Variants in RNF217 observed in about 807,000 individuals in gnomAD.
RNF217 encodes E3 ubiquitin-protein ligase RNF217.
In RNF217, 31 loss-of-function variants were observed where a neutral mutation model predicts 57.8. That is an observed-to-expected ratio of 0.54 (90% CI 0.40 to 0.72). The LOEUF (loss-of-function observed/expected upper bound fraction) is 0.72, where lower values mean the gene tolerates loss of function less well. Among genes scored for constraint, RNF217 ranks in the 30% least tolerant of loss-of-function variants. The pLI is 0.00. For synonymous variants in RNF217, 313 were observed against 294.0 expected (o/e 1.06, Z -0.66); for missense variants, 696 against 708.3 (o/e 0.98, Z 0.20).
At chr6:125,034,080 A>G (rs1786490467) in intron 1 of RNF217, among the ~76,000 whole-genome samples, 1 of 151,866 alleles carries the variant, frequency 6.6e-6, no homozygotes, top group African/African-American at 2.4e-5. Flanking sequence ...AGTTCATTGT[A>G]GATTCTGGAT....
At chr6:125,015,459 A>G (rs1785565569) in intron 1 of RNF217, among the ~76,000 whole-genome samples, 1 of 152,128 alleles carries the variant, frequency 6.6e-6, no homozygotes, top group African/African-American at 2.4e-5. Context: ...GAAAACTCTA[A>G]ACGCTGAATG....
At chr6:125,021,393 G>A (rs1373200209) in intron 1 of RNF217, among the ~76,000 whole-genome samples, 4 of 151,512 alleles carry the variant, frequency 2.6e-5, no homozygotes, top group Non-Finnish European at 4.4e-5. Flanking sequence ...AGCCTCCCAA[G>A]TAGCTGGGAT....
At chr6:125,003,637 G>T (rs1228596498) in intron 1 of RNF217, among the ~76,000 whole-genome samples, 1 of 152,026 alleles carries the variant, frequency 6.6e-6, no homozygotes, top group African/African-American at 2.4e-5. Flanking sequence ...TTGTTAATTA[G>T]CTTGATTTAA....
intron 1 of RNF217, among the ~76,000 whole-genome samples, chr6:124,969,538 C>G (rs1783682449): frequency 6.6e-6 from 1 of 152,140 alleles, no homozygotes; most frequent in African/African-American, 2.4e-5. Context: ...GATAACTGCA[C>G]TTGAATTTGC....
At chr6:124,983,392 T>C (rs1434025975) in intron 1 of RNF217, 3 of 984,852 alleles carry the variant, frequency 3.0e-6, no homozygotes, top group Admixed American at 6.2e-5. Flanking sequence ...GACACAAACA[T>C]GAGAAGATTA....
intron 1 of RNF217, among the ~76,000 whole-genome samples, chr6:124,982,440 T>C (rs972522850): frequency 2.0e-5 from 3 of 152,158 alleles, no homozygotes; most frequent in African/African-American, 7.2e-5. Context: ...TTTATCTCAC[T>C]TTCCAGATAC....
rs551401155 is a variant in RNF217, at chr6:125,037,060, C to T, written c.883-8151C>T. Among the ~76,000 whole-genome samples, 178 of 147,746 alleles carry T rather than the reference C, an allele frequency of 1.2e-3. 1 individual carries two copies. The Middle Eastern group carries it at 0.021, about 18-fold the overall frequency. Reference sequence around the variant, plus strand: ...CTGATTTTTTTAATGGATATTAAACCAACAGCACAATTTATTGAAAAAAAA... The same window carrying T: ...CTGATTTTTTTAATGGATATTAAACTAACAGCACAATTTATTGAAAAAAAA... On this transcript the variant is annotated intron_variant, in intron 1 of 5. Coordinates refer to ENST00000521654, the MANE Select transcript of RNF217 (RefSeq NM_001286398.3).
At chr6:125,024,853 G>T (rs187618830) in intron 1 of RNF217, among the ~76,000 whole-genome samples, 2 of 152,144 alleles carry the variant, frequency 1.3e-5, no homozygotes, top group African/African-American at 4.8e-5. Flanking sequence ...GATATCAGAA[G>T]CTTAGTATAG....
intron 1 of RNF217, among the ~76,000 whole-genome samples, chr6:125,013,744 C>T (rs1334059000): frequency 6.6e-6 from 1 of 152,086 alleles, no homozygotes; most frequent in African/African-American, 2.4e-5. Context: ...TTCATTGTGT[C>T]ATCTCACTGA....
intron 4 of RNF217, among the ~76,000 whole-genome samples, chr6:125,079,866 A>T (rs1323761697): frequency 2.6e-5 from 4 of 152,146 alleles, no homozygotes; most frequent in Non-Finnish European, 4.4e-5. Context: ...ATGATGTTTT[A>T]GAGCAATGTT....
At chr6:125,021,477 G>A (rs1008978728) in intron 1 of RNF217, among the ~76,000 whole-genome samples, 3 of 152,052 alleles carry the variant, frequency 2.0e-5, no homozygotes, top group Middle Eastern at 3.4e-3. Flanking sequence ...ATCTTGGCCA[G>A]GCTGGTCTTG....
chr6:124,963,570 G>T (rs2114967331), intron 1 of RNF217, 144 bp downstream of exon 1: 1 of 1,037,412 alleles, frequency 9.6e-7, no homozygotes, highest in South Asian at 2.0e-5. Flanking sequence ...CGTCTCAGTT[G>T]TTATTTAAGT....
In RNF217 at chr6:124,962,716, G is replaced by T; in HGVS notation, c.172G>T (p.Asp58Tyr). Residue 58 changes from aspartate to tyrosine, a missense_variant, in exon 1 of 6, where the codon GAC (aspartate) becomes TAC (tyrosine). Around this residue, in one of 2 missense-constraint regions of RNF217, gnomAD observed 465 missense variants for 386.8 expected, o/e 1.20. Coordinates refer to ENST00000521654, the MANE Select transcript of RNF217 (RefSeq NM_001286398.3). The surrounding 1 kb of genome is among the most constrained non-coding windows in gnomAD (Gnocchi z 4.6). ...GCCGAGCGGCGGTGGCTGCGGAAGC[G>T]ACTGGGGCTGCGCGGACACCAGCGC... is the stretch of plus-strand genomic sequence containing the variant. ...AEPSGGGCGS[D>Y]WGCADTSAPE... is the part of the protein sequence containing the mutation. The T allele has an allele frequency of 6.6e-7, 1 of 1,508,994 alleles. No individual in the cohort carries two copies. The highest frequency in any genetic ancestry group is 8.8e-7 in the Non-Finnish European group (1 of 1,141,062). The allele number at this position is 1,508,994 out of a possible 1,614,324, so 93.5% of individuals were successfully genotyped here.
In RNF217 at chr6:124,963,033, C is replaced by A. The variant is rs1475281341; in HGVS notation, c.489C>A (p.Phe163Leu). 1.2e-5 allele frequency: 19 copies of A among 1,591,268 alleles called. No individual in the cohort carries two copies. The highest frequency in any genetic ancestry group is 1.5e-5 in the Non-Finnish European group (18 of 1,176,842). Residue 163 changes from phenylalanine (F) to leucine (L), a missense_variant, in exon 1 of 6, where the codon TTC becomes TTA. Transcript: ENST00000521654. ...RRPSLAKRQV[F>L]CSVYCVESDL... ...CGTCCCTCGCCAAGAGACAAGTCTT[C>A]TGCTCCGTGTACTGCGTGGAGAGCG...
chr6:125,008,961 A>T (rs1243947709), intron 1 of RNF217: 3 of 235,184 alleles, frequency 1.3e-5, no homozygotes, highest in Non-Finnish European at 1.6e-5. Flanking sequence ...TAGCATTGTT[A>T]TCATAAAATG....
chr6:125,034,244 G>C (rs1786499390), intron 1 of RNF217, among the ~76,000 whole-genome samples: 1 of 152,082 alleles, frequency 6.6e-6, no homozygotes, highest in African/African-American at 2.4e-5. Context: ...CATTGCTTTT[G>C]GTGTTTTAGA....
chr6:125,049,160 A>T (rs1477682548), intron 2 of RNF217, among the ~76,000 whole-genome samples: 1 of 152,068 alleles, frequency 6.6e-6, no homozygotes, highest in Non-Finnish European at 1.5e-5. Context: ...ATCAATATAG[A>T]GAACAAGTTA....
intron 3 of RNF217, among the ~76,000 whole-genome samples, chr6:125,074,471 T>C (rs369568913): frequency 6.6e-6 from 1 of 152,330 alleles, no homozygotes; most frequent in East Asian, 1.9e-4. Context: ...AAATTCATAT[T>C]GTTCCATTAA....
chr6:124,995,241 T>A (rs934271311), intron 1 of RNF217, among the ~76,000 whole-genome samples: 4 of 152,106 alleles, frequency 2.6e-5, no homozygotes, highest in African/African-American at 9.7e-5. Flanking sequence ...TAACACATGG[T>A]TATAGTTTTA....
Sources: allele counts gnomAD v4.1 joint callset (sites outside exome capture counted in the v4.1 genomes callset), GRCh38; gene constraint gnomAD v4.1.1; regional missense constraint gnomAD v4.1.1; non-coding constraint Gnocchi (gnomAD v3.1); transcripts MANE v1.5; gene names NCBI Gene and HGNC (gene_info 2026-07-23, HGNC 2026-07-21).